Variants in DENND4A observed in about 807,000 individuals in gnomAD.
The protein encoded by DENND4A is C-myc promoter-binding protein.
A neutral mutation model predicts 199.3 loss-of-function variants in DENND4A; 70 were observed. The ratio of observed to expected loss-of-function variants is 0.35; its 90% CI spans 0.29 to 0.43. The LOEUF (loss-of-function observed/expected upper bound fraction) is 0.43, where lower values mean the gene tolerates loss of function less well. DENND4A is among the 20% of genes least tolerant of loss of function. The pLI is 1.00. For synonymous variants in DENND4A, 686 were observed against 766.9 expected, an observed-to-expected ratio of 0.89 and a Z score of 1.74; for missense variants, 1,723 against 2,255.8, an observed-to-expected ratio of 0.76 and a Z score of 4.78.
At chr15:65,734,138 GA>G (rs773689163) in intron 7 of DENND4A, among the ~76,000 whole-genome samples, 1 of 152,182 alleles carries the variant, frequency 6.6e-6, no homozygotes, top group Non-Finnish European at 1.5e-5. Context: ...GAGACAAGAG[GA>G]AGGCATCTGT....
chr15:65,695,435 C>G (rs2077112212), intron 22 of DENND4A, among the ~76,000 whole-genome samples: 1 of 152,150 alleles, frequency 6.6e-6, no homozygotes, highest in African/African-American at 2.4e-5. Flanking sequence ...CAATTTAAAA[C>G]TATAAAAACC....
intron 7 of DENND4A, among the ~76,000 whole-genome samples, chr15:65,736,428 G>T (rs1269074845): frequency 3.0e-5 from 4 of 133,962 alleles, no homozygotes; most frequent in African/African-American, 8.5e-5. Context: ...GCTGGCTTTT[G>T]TATTTTTTTT....
chr15:65,716,376 C>T (rs2075400996), intron 13 of DENND4A, among the ~76,000 whole-genome samples: 1 of 145,654 alleles, frequency 6.9e-6, no homozygotes, highest in African/African-American at 2.5e-5. Flanking sequence ...GGTATATCTC[C>T]TAATGCTATC....
At chr15:65,746,922 C>T (rs1430674406) in intron 4 of DENND4A, among the ~76,000 whole-genome samples, 1 of 150,176 alleles carries the variant, frequency 6.7e-6, no homozygotes, top group African/African-American at 2.4e-5. Flanking sequence ...ATGGTAAAAC[C>T]CTGTCTCTAC....
At chr15:65,715,260 A>C in intron 14 of DENND4A, 1 of 401,522 alleles carries the variant, frequency 2.5e-6, no homozygotes, top group Non-Finnish European at 4.3e-6. Context: ...AATAAAACTT[A>C]TGATTACAAT....
intron 4 of DENND4A, among the ~76,000 whole-genome samples, chr15:65,745,971 C>G (rs1363334681): frequency 7.3e-6 from 1 of 137,846 alleles, no homozygotes; most frequent in African/African-American, 2.8e-5. Context: ...CCGTCTCTAC[C>G]AAAAAAAAAA....
At chr15:65,780,581 A>AC (rs1197500937) in intron 1 of DENND4A, among the ~76,000 whole-genome samples, 1 of 152,194 alleles carries the variant, frequency 6.6e-6, no homozygotes, top group South Asian at 2.1e-4. Flanking sequence ...TGATTTTAAA[A>AC]CCCAGGATTA....
chr15:65,715,341 C>T, intron 14 of DENND4A, 137 bp downstream of exon 14: 1 of 844,788 alleles, frequency 1.2e-6, no homozygotes, highest in East Asian at 3.2e-5. Context: ...GCTACCAAAA[C>T]TTTCATTTAA....
At chr15:65,737,569 C>T in intron 7 of DENND4A, 138 bp downstream of exon 7, 1 of 798,624 alleles carries the variant, frequency 1.3e-6, no homozygotes, top group Non-Finnish European at 1.9e-6. Context: ...AGAAATACTA[C>T]CTGACTGAAA....
At chr15:65,665,128 C>T in intron 30 of DENND4A, 1 of 466,292 alleles carries the variant, frequency 2.1e-6, no homozygotes, top group Admixed American at 3.9e-5. Flanking sequence ...CAAACCAAAA[C>T]AAAAAACAAA....
chr15:65,664,648 C>T lies in DENND4A; in HGVS notation c.5434G>A (p.Val1812Ile), dbSNP rs1288742594. 6.2e-7 allele frequency: 1 copy of T among 1,612,606 alleles called. No homozygotes were observed. Among genetic ancestry groups the T allele is most frequent in the Admixed American group, 1.7e-5 (1 of 59,968 alleles). ...SFNQELLKSMVKSIKMNDVYG... is the reference protein window; with the variant it reads ...SFNQELLKSMIKSIKMNDVYG... Reference sequence around the variant, plus strand: ...ACATCATTCATTTTAATGCTTTTTACCATACTTTTCAACAGTTCCTGGTTA... The same window carrying T: ...ACATCATTCATTTTAATGCTTTTTATCATACTTTTCAACAGTTCCTGGTTA... Residue 1812 changes from valine to isoleucine, a missense_variant, in exon 31 of 33, where the codon GTA (valine) becomes ATA (isoleucine). Val to Ile is a conservative substitution (Grantham distance 29, BLOSUM62 3). Transcript: ENST00000443035.
intron 8 of DENND4A, among the ~76,000 whole-genome samples, chr15:65,732,541 AT>A (rs1350161993): frequency 3.2e-4 from 48 of 152,222 alleles, no homozygotes; most frequent in South Asian, 6.2e-4. Flanking sequence ...TACTTCTTTA[AT>A]TCTTGAACCC....
intron 32 of DENND4A, among the ~76,000 whole-genome samples, chr15:65,663,228 A>G (rs1457780415): frequency 4.3e-5 from 5 of 116,812 alleles, no homozygotes; most frequent in African/African-American, 1.9e-4. Flanking sequence ...TTTTTTGGTT[A>G]GACGGAGTTT....
At chr15:65,738,126 T>G (rs569777130) in intron 6 of DENND4A, among the ~76,000 whole-genome samples, 181 bp from the exon 7 acceptor site, 1 of 152,318 alleles carries the variant, frequency 6.6e-6, no homozygotes, top group Admixed American at 6.5e-5. Context: ...TATAGTGCTA[T>G]TCTCATGTTA....
chr15:65,743,785 C>G (rs2076317222), intron 4 of DENND4A, among the ~76,000 whole-genome samples: 1 of 152,076 alleles, frequency 6.6e-6, no homozygotes, highest in Non-Finnish European at 1.5e-5. Context: ...GGCCCTGATA[C>G]AAAAGTATGC....
chr15:65,691,360 A>G lies in DENND4A; in HGVS notation c.3234T>C (p.Leu1078=). The G allele has an allele frequency of 6.2e-7, 1 of 1,613,636 alleles. No homozygotes were observed. Among genetic ancestry groups the G allele is most frequent in the Non-Finnish European group, 8.5e-7 (1 of 1,179,744 alleles). ...TAAATCCCATCAGTACCCCTCCACT[A>G]AGATTACGGTTTCTATTTCCCCAGA... is the stretch of plus-strand genomic sequence containing the variant. ...QVVWGNRNRN[L]SGGVLMGFML... Residue 1078 remains leucine (L), a synonymous_variant, in exon 23 of 33, where the codon CTT becomes CTC. Transcript: ENST00000443035.
intron 3 of DENND4A, among the ~76,000 whole-genome samples, chr15:65,754,796 A>G (rs1324028894): frequency 6.6e-6 from 1 of 152,232 alleles, no homozygotes; most frequent in African/African-American, 2.4e-5. Context: ...TGGAACCCTC[A>G]TGTACCGCAA....
At chr15:65,677,224 T>C (rs1482534054) in intron 23 of DENND4A, among the ~76,000 whole-genome samples, 1 of 152,186 alleles carries the variant, frequency 6.6e-6, no homozygotes, top group Non-Finnish European at 1.5e-5. Context: ...GCAAAAATTT[T>C]TTTTTGAGAC....
At chr15:65,676,141 A>AT (rs1555413335) in intron 24 of DENND4A, among the ~76,000 whole-genome samples, 15 of 110,452 alleles carry the variant, frequency 1.4e-4, no homozygotes, top group African/African-American at 3.7e-4. Flanking sequence ...AATAAGGAAA[A>AT]ATATATATAT....
Sources: allele counts gnomAD v4.1 joint callset (sites outside exome capture counted in the v4.1 genomes callset), GRCh38; gene constraint gnomAD v4.1.1; transcripts MANE v1.5; gene names NCBI Gene and HGNC (gene_info 2026-07-23, HGNC 2026-07-21).